Variants in GPR139 observed in about 807,000 individuals in gnomAD.
GPR139 encodes the protein G protein-coupled receptor 139, also known as probable G protein-coupled receptor 139.
Under a neutral mutation model 25.8 loss-of-function variants are expected in GPR139, and 12 were observed. That is an observed-to-expected ratio of 0.47 (90% confidence interval 0.30 to 0.75). The LOEUF is 0.75. Among genes scored for constraint, GPR139 ranks in the 30% least tolerant of loss-of-function variants. The probability of loss-of-function intolerance (pLI) is 0.07; values close to 1 mark genes in which losing one functional copy is unlikely to be tolerated. For missense variants in GPR139, 380 were observed against 450.2 expected (o/e 0.84, Z 1.41); for synonymous variants, 184 against 179.9 (o/e 1.02, Z -0.18).
intron 1 of GPR139, among the ~76,000 whole-genome samples, chr16:20,051,164 G>A (rs1285707090): frequency 6.6e-6 from 1 of 152,186 alleles, no homozygotes; most frequent in Non-Finnish European, 1.5e-5. Context: ...CAAGGTGGGA[G>A]GTGAAGAACA....
chr16:20,052,788 CA>C (rs56189908), intron 1 of GPR139, among the ~76,000 whole-genome samples: 37,967 of 121,716 alleles, frequency 0.31, 4,694 homozygotes, highest in East Asian at 0.41. Context: ...GACTCCATCT[CA>C]AAAAAAAAAA....
At chr16:20,070,904 A>C (rs1315544785) in intron 1 of GPR139, 2 of 978,168 alleles carry the variant, frequency 2.0e-6, no homozygotes, top group Non-Finnish European at 2.4e-6. Flanking sequence ...TGAGCTCAAC[A>C]CGCAGAGTTA....
chr16:20,066,603 C>T (rs541757164), intron 1 of GPR139, among the ~76,000 whole-genome samples: 8 of 152,268 alleles, frequency 5.3e-5, no homozygotes, highest in East Asian at 3.9e-4. Flanking sequence ...GGCTTGAGCA[C>T]GTGGACATGT....
chr16:20,045,604 A>G (rs2057351649), intron 1 of GPR139, among the ~76,000 whole-genome samples: 2 of 152,182 alleles, frequency 1.3e-5, no homozygotes, highest in African/African-American at 4.8e-5. Context: ...GCTGGCACCT[A>G]TGAGGCATGA....
At chr16:20,050,932 A>C (rs2057369392) in intron 1 of GPR139, among the ~76,000 whole-genome samples, 1 of 151,784 alleles carries the variant, frequency 6.6e-6, no homozygotes, top group East Asian at 1.9e-4. Flanking sequence ...GTGCAGTGTC[A>C]AGTGCCTGCT....
chr16:20,040,094 G>A (rs1925502), intron 1 of GPR139, among the ~76,000 whole-genome samples: 17,459 of 152,060 alleles, frequency 0.11, 2,006 homozygotes, highest in East Asian at 0.29. Context: ...TGAAGCTCAT[G>A]GCCAATATCC....
chr16:20,073,473 T>A lies in GPR139; in HGVS notation c.127+17A>T, dbSNP rs2057468049. 6.2e-7 allele frequency: 1 copy of A among 1,608,384 alleles called. No homozygotes were observed. The highest frequency in any genetic ancestry group is 8.5e-7 in the Non-Finnish European group (1 of 1,177,812). Reference sequence around the variant, plus strand: ...TTGGGGTTCCTGGCTTCCCTCCCTCTCCCCCACGCCCCTCACCTGGTAAAC... The same window carrying A: ...TTGGGGTTCCTGGCTTCCCTCCCTCACCCCCACGCCCCTCACCTGGTAAAC... On this transcript the variant is annotated intron_variant, in intron 1 of 1. Coordinates refer to ENST00000570682, the MANE Select transcript of GPR139 (RefSeq NM_001002911.4). This position sits in a 1 kb window ranked among gnomAD's most constrained non-coding sequence, Gnocchi z 4.7.
At chr16:20,070,232 G>A (rs972164579) in intron 1 of GPR139, among the ~76,000 whole-genome samples, 1 of 152,176 alleles carries the variant, frequency 6.6e-6, no homozygotes, top group Non-Finnish European at 1.5e-5. Context: ...ACAGGTATAG[G>A]TCGCAGAGGT....
intron 1 of GPR139, among the ~76,000 whole-genome samples, chr16:20,062,889 T>G (rs2057418871): frequency 6.6e-6 from 1 of 152,246 alleles, no homozygotes; most frequent in East Asian, 1.9e-4. Context: ...CAAAATCTGC[T>G]GTGTATTTCA....
At chr16:20,071,362 C>G (rs1162311584) in intron 1 of GPR139, among the ~76,000 whole-genome samples, 1 of 152,208 alleles carries the variant, frequency 6.6e-6, no homozygotes, top group African/African-American at 2.4e-5. Flanking sequence ...TTTGGATAAG[C>G]CTGGCCTCCC....
Position 20,030,319 on chromosome 16 carries a change from G to T in GPR139, c.*1416C>A, listed in dbSNP as rs1345514084. On this transcript the variant is annotated 3_prime_UTR_variant, in exon 2 of 2. Transcript: ENST00000570682. ...AAAATGTCATGCAATTTCAAAGTCA[G>T]TTTGGCAAATTTATTCCAAAACAGG... 6.6e-6 allele frequency among the ~76,000 whole-genome samples: 1 copy of T among 152,034 alleles called. No homozygotes were observed. Among genetic ancestry groups the T allele is most frequent in the Non-Finnish European group, 1.5e-5 (1 of 68,022 alleles).
At chr16:20,052,420 G>T (rs1301161304) in intron 1 of GPR139, among the ~76,000 whole-genome samples, 1 of 152,214 alleles carries the variant, frequency 6.6e-6, no homozygotes, top group Admixed American at 6.5e-5. Context: ...AGCAGAAGCA[G>T]CACTCATAGT....
rs2141197818 is a variant in GPR139 at position 20,029,155 on chromosome 16, A to T, written c.*2580T>A. Among the ~76,000 whole-genome samples, 3 of 152,316 alleles carry T rather than the reference A, an allele frequency of 2.0e-5. 1 individual carries two copies. Among genetic ancestry groups the T allele is most frequent in the African/African-American group, 7.2e-5 (3 of 41,570 alleles). ...GCCTTCAAGAATTGGACCTCTTTTA[A>T]ATATCATGTAGCAAAATATAAAATA... On this transcript the variant is annotated 3_prime_UTR_variant, in exon 2 of 2. Transcript: ENST00000570682.
chr16:20,058,336 T>TGTGTGA (rs914471269), intron 1 of GPR139, among the ~76,000 whole-genome samples: 1 of 33,146 alleles, frequency 3.0e-5, no homozygotes, highest in Non-Finnish European at 4.9e-5. Context: ...GGATGTGGAG[T>TGTGTGA]GTGTGTGTGT....
chr16:20,061,786 G>T (rs1778474212), intron 1 of GPR139, among the ~76,000 whole-genome samples: 1 of 152,208 alleles, frequency 6.6e-6, no homozygotes, highest in African/African-American at 2.4e-5. Flanking sequence ...ATTTCCCTTG[G>T]TAGAGGTGGA....
Position 20,073,252 on chromosome 16 carries a change from T to TCACA in GPR139, c.127+234_127+237dup, listed in dbSNP as rs71146300. Among the ~76,000 whole-genome samples, 4,460 of 147,170 alleles carry TCACA rather than the reference T, an allele frequency of 0.03. 115 individuals are homozygous for TCACA. Among genetic ancestry groups the TCACA allele is most frequent in the African/African-American group, 0.067 (2,675 of 39,936 alleles). On this transcript the variant is annotated intron_variant, in intron 1 of 1. Coordinates refer to ENST00000570682, the MANE Select transcript of GPR139 (RefSeq NM_001002911.4). This position sits in a 1 kb window ranked among gnomAD's most constrained non-coding sequence, Gnocchi z 4.7. The stretch of plus-strand genomic sequence containing the variant: ...AGCCCATCGCCCGCCGTCACAGTCA[T>TCACA]CACACACACACACACACACACACAC...
At chr16:20,050,023 G>A (rs1051583734) in intron 1 of GPR139, among the ~76,000 whole-genome samples, 28 of 152,188 alleles carry the variant, frequency 1.8e-4, no homozygotes, top group African/African-American at 6.3e-4. Flanking sequence ...CTTGCCACAG[G>A]TTGCAGATGT....
chr16:20,034,560 G>A (rs2057303418), intron 1 of GPR139, among the ~76,000 whole-genome samples: 1 of 152,056 alleles, frequency 6.6e-6, no homozygotes, highest in Non-Finnish European at 1.5e-5. Context: ...ACCCGGTCTT[G>A]CTATGTTGCC....
chr16:20,036,823 A>C (rs1234265147), intron 1 of GPR139, among the ~76,000 whole-genome samples: 1 of 152,224 alleles, frequency 6.6e-6, no homozygotes, highest in Non-Finnish European at 1.5e-5. Flanking sequence ...GATAATTTTA[A>C]TAAAGTGGTT....
Sources: gnomAD v4.1 joint callset for allele counts (sites outside exome capture counted in the v4.1 genomes callset) on GRCh38, gnomAD v4.1.1 for gene constraint, Gnocchi (gnomAD v3.1) non-coding constraint, MANE v1.5 for transcripts, NCBI Gene and HGNC (gene_info 2026-07-23, HGNC 2026-07-21) for gene names.